The following PIGS variants were observed in gnomAD, a reference collection of about 807,000 sequenced individuals.
PIGS encodes phosphatidylinositol glycan anchor biosynthesis class S, also known as GPI-anchor transamidase component PIGS.
PIGS carries 37 observed loss-of-function variants against 58.2 expected under a neutral mutation model. The observed-to-expected ratio is 0.64, with a 90% CI of 0.49 to 0.84. The LOEUF is 0.84. PIGS is among the 40% of genes least tolerant of loss of function. The pLI, the probability that PIGS is intolerant of heterozygous loss-of-function variation, is 0.00. For missense variants in PIGS, 629 were observed against 710.8 expected, an observed-to-expected ratio of 0.88 and a Z score of 1.31; for synonymous variants, 269 against 289.2, an observed-to-expected ratio of 0.93 and a Z score of 0.71.
chr17:28,561,804 A>G, intron 5 of PIGS, 175 bp from the exon 6 acceptor site: 1 of 614,010 alleles, frequency 1.6e-6, no homozygotes. Flanking sequence ...TATATTGAGT[A>G]TTTTCATTTG....
intron 5 of PIGS, among the ~76,000 whole-genome samples, chr17:28,563,132 C>A (rs1182652138): frequency 6.6e-6 from 1 of 151,980 alleles, no homozygotes; most frequent in Admixed American, 6.5e-5. Flanking sequence ...GTGGTGAAAC[C>A]CCATTTCTAC....
intron 10 of PIGS, chr17:28,555,885 C>T (rs1248484388): frequency 2.4e-5 from 7 of 295,836 alleles, no homozygotes; most frequent in Non-Finnish European, 4.5e-5. Flanking sequence ...CAGAGAATTG[C>T]TTGAACCCGG....
intron 3 of PIGS, among the ~76,000 whole-genome samples, chr17:28,565,378 T>G (rs909436377): frequency 6.6e-6 from 1 of 152,134 alleles, no homozygotes; most frequent in African/African-American, 2.4e-5. Context: ...GGCCCCTAGA[T>G]GAATATTATA....
Position 28,554,365 on chromosome 17 carries a change from A to G in PIGS, c.1523T>C (p.Leu508Pro), listed in dbSNP as rs1468331032. 1.2e-5 allele frequency: 20 copies of G among 1,614,198 alleles called. No individual in the cohort carries two copies. The highest frequency in any genetic ancestry group is 1.6e-5 in the Non-Finnish European group (19 of 1,180,038). ...SELAFFDPSL[L>P]HLLYFPDDQK... is the part of the protein sequence containing the mutation. ...GTCATCAGGGAAATAAAGGAGGTGG[A>G]GGAGTGACGGGTCAAAGAAGGCAAG... The change falls in exon 12 of 12, where the codon CTC (leucine) becomes CCC (proline). Residue 508 changes from leucine (L) to proline (P), a missense_variant. Coordinates refer to ENST00000308360, the MANE Select transcript of PIGS (RefSeq NM_033198.4).
In PIGS at chr17:28,560,049, C is replaced by T; in HGVS notation, c.819G>A (p.Gln273=). 6.2e-7 allele frequency: 1 copy of T among 1,608,208 alleles called. No individual in the cohort carries two copies. The highest frequency in any genetic ancestry group is 8.5e-7 in the Non-Finnish European group (1 of 1,178,050). The change falls in exon 7 of 12, where the codon CAG becomes CAA. Residue 273 remains glutamine (Q), a splice_region_variant and synonymous_variant. Transcript: ENST00000308360. ...CTCCTCAACTTGCTCCCGGTCTCAC[C>T]TGAGAGTCCACAGAGAAGTTGCCAG... is the stretch of plus-strand genomic sequence containing the variant. The part of the protein sequence containing the change: ...GAAGNFSVDS[Q]ILYYAMLGVN...
intron 8 of PIGS, among the ~76,000 whole-genome samples, chr17:28,557,667 C>T (rs2070339532): frequency 6.6e-6 from 1 of 152,226 alleles, no homozygotes; most frequent in Non-Finnish European, 1.5e-5. Context: ...ACTAGCCTGC[C>T]TCTGGTATCT....
intron 10 of PIGS, 87 bp from the exon 11 acceptor site, chr17:28,555,148 C>T: frequency 2.3e-6 from 3 of 1,288,144 alleles, no homozygotes; most frequent in Non-Finnish European, 3.3e-6. Flanking sequence ...CTGTCCTGAG[C>T]CAGTGATTTT....
In PIGS at chr17:28,558,516, G is replaced by A. The variant is rs751980838; in HGVS notation, c.894C>T (p.His298=). Residue 298 remains histidine (H), a synonymous_variant, in exon 8 of 12, where the codon CAC becomes CAT. Coordinates refer to ENST00000308360, the MANE Select transcript of PIGS (RefSeq NM_033198.4). ...CTGGGTTGATGACATGGGGGAGGCT[G>A]TGCATGTCCAAATAGTAGCTGGAGG... The part of the protein sequence containing the change: ...SASSSYYLDM[H]SLPHVINPVE... 1.2e-6 allele frequency: 2 copies of A among 1,613,292 alleles called. No individual in the cohort carries two copies. Among genetic ancestry groups the A allele is most frequent in the South Asian group, 1.1e-5 (1 of 90,766 alleles).
Position 28,562,815 on chromosome 17 carries a change from G to A in PIGS, c.468+616C>T, listed in dbSNP as rs955343554. Among the ~76,000 whole-genome samples the A allele has an allele frequency of 9.2e-5, 14 of 152,100 alleles. No homozygotes were observed. In the East Asian group the frequency reaches 1.4e-3, roughly 15 times the overall value. ...CAACCTCCACCTCCCAGGCTCAAGC[G>A]CTCCCCCTGCCTCAGCCTCCAAAAG... is the stretch of plus-strand genomic sequence containing the variant. On this transcript the variant is annotated intron_variant, in intron 5 of 11. Transcript: ENST00000308360.
chr17:28,557,052 T>C, intron 8 of PIGS, 80 bp from the exon 9 acceptor site: 1 of 1,503,708 alleles, frequency 6.7e-7, no homozygotes, highest in South Asian at 1.2e-5. Flanking sequence ...AACTTGCTGG[T>C]CACTCACTCT....
chr17:28,571,252 C>A, intron 1 of PIGS, 64 bp from the exon 2 acceptor site: 1 of 1,571,176 alleles, frequency 6.4e-7, no homozygotes, highest in Non-Finnish European at 8.6e-7. Context: ...CCATCCCCGA[C>A]GCGGAGAAGC....
At chr17:28,569,151 T>C (rs538442101) in intron 3 of PIGS, among the ~76,000 whole-genome samples, 3 of 148,960 alleles carry the variant, frequency 2.0e-5, no homozygotes, top group South Asian at 2.1e-4. Context: ...GTACAGAGGC[T>C]GAACCATACG....
intron 3 of PIGS, among the ~76,000 whole-genome samples, chr17:28,567,985 C>T (rs2070403392): frequency 1.3e-5 from 2 of 152,210 alleles, no homozygotes; most frequent in African/African-American, 4.8e-5. Flanking sequence ...TCAATGAGAC[C>T]TCCCTTGTCC....
chr17:28,564,443 G>A (rs1484103633), intron 3 of PIGS, among the ~76,000 whole-genome samples: 1 of 152,132 alleles, frequency 6.6e-6, no homozygotes, highest in African/African-American at 2.4e-5. Flanking sequence ...GCCAGACATG[G>A]TGGCTCACAC....
chr17:28,570,781 G>C, intron 3 of PIGS, 71 bp downstream of exon 3: 5 of 1,452,068 alleles, frequency 3.4e-6, no homozygotes, highest in Admixed American at 1.7e-5. Flanking sequence ...GTACACCCCC[G>C]CTCCTCCCAC....
chr17:28,571,367 C>G lies in PIGS; in HGVS notation c.34+96G>C, dbSNP rs1319584149. 4.5e-6 allele frequency: 7 copies of G among 1,550,470 alleles called. No homozygotes were observed. The South Asian group carries it at 5.9e-5, about 13-fold the overall frequency. ...CGTCTGAAGAGACCCCCGAGCCCCC[C>G]GTCCGCGGGACCTCTCGCACACCAC... On this transcript the variant is annotated intron_variant, in intron 1 of 11. Transcript: ENST00000308360.
Position 28,560,081 on chromosome 17 carries a change from C to G in PIGS, c.787G>C (p.Gly263Arg). The G allele has an allele frequency of 6.2e-7, 1 of 1,612,454 alleles. No homozygotes were observed. The highest frequency in any genetic ancestry group is 8.5e-7 in the Non-Finnish European group (1 of 1,179,360). ...RYVQPFLNALGAAGNFSVDSQ... is the reference protein window; with the variant it reads ...RYVQPFLNALRAAGNFSVDSQ... Reference sequence around the variant, plus strand: ...TCCACAGAGAAGTTGCCAGCGGCACCGAGGGCATTCAGGAAAGGTTGCACA... The same window carrying G: ...TCCACAGAGAAGTTGCCAGCGGCACGGAGGGCATTCAGGAAAGGTTGCACA... Residue 263 changes from glycine (G) to arginine (R), a missense_variant, in exon 7 of 12, where the codon GGT becomes CGT. Coordinates refer to ENST00000308360, the MANE Select transcript of PIGS (RefSeq NM_033198.4).
intron 10 of PIGS, chr17:28,555,313 A>T (rs2070319840): frequency 1.1e-5 from 5 of 473,676 alleles, no homozygotes; most frequent in South Asian, 8.0e-5. Context: ...CTTGTTTTTT[A>T]AAAAAAGGTT....
rs116114052 is a variant in PIGS at position 28,567,823 on chromosome 17, A to T, written c.286+3029T>A. 7.0e-3 allele frequency among the ~76,000 whole-genome samples: 1,064 copies of T among 152,292 alleles called. 17 individuals carry two copies. Among genetic ancestry groups the T allele is most frequent in the African/African-American group, 0.025 (1,026 of 41,554 alleles). On this transcript the variant is annotated intron_variant, in intron 3 of 11. Coordinates refer to ENST00000308360, the MANE Select transcript of PIGS (RefSeq NM_033198.4). ...CTTCCTCATTCACTCCAGTGAAGCCACAAGGAGATTCTCACTGCTCCTGAA... is the reference window on the plus strand; with the variant it reads ...CTTCCTCATTCACTCCAGTGAAGCCTCAAGGAGATTCTCACTGCTCCTGAA...
Sources: allele counts gnomAD v4.1 joint callset (sites outside exome capture counted in the v4.1 genomes callset), GRCh38; gene constraint gnomAD v4.1.1; transcripts MANE v1.5; gene names NCBI Gene and HGNC (gene_info 2026-07-23, HGNC 2026-07-21).